AGBL4: variants seen among roughly 807,000 people sequenced by gnomAD.
AGBL4 encodes the protein AGBL carboxypeptidase 4.
A neutral mutation model predicts 66.4 loss-of-function variants in AGBL4; 58 were observed. The observed-to-expected ratio is 0.87, with a 90% CI of 0.71 to 1.09. The LOEUF (loss-of-function observed/expected upper bound fraction) is 1.09. AGBL4 is among the 50% of genes least tolerant of loss of function. The pLI, the probability that AGBL4 is intolerant of heterozygous loss-of-function variation, is 0.00. For synonymous variants in AGBL4, 234 were observed against 222.9 expected, an observed-to-expected ratio of 1.05 and a Z score of -0.44; for missense variants, 579 against 631.0, an observed-to-expected ratio of 0.92 and a Z score of 0.88.
intron 4 of AGBL4, among the ~76,000 whole-genome samples, chr1:49,130,631 C>T (rs540945606): frequency 1.4e-4 from 21 of 151,894 alleles, no homozygotes; most frequent in Non-Finnish European, 2.5e-4. Context: ...TGTAGATATG[C>T]GGCATTATTT....
chr1:49,773,351 T>G (rs1477753021), intron 2 of AGBL4, among the ~76,000 whole-genome samples: 1 of 152,210 alleles, frequency 6.6e-6, no homozygotes, highest in Non-Finnish European at 1.5e-5. Context: ...ATGTCATGTT[T>G]CCTTGCTTTT....
intron 1 of AGBL4, among the ~76,000 whole-genome samples, chr1:50,016,543 C>CA (rs1291999984): frequency 1.3e-5 from 2 of 152,126 alleles, no homozygotes; most frequent in African/African-American, 4.8e-5. Flanking sequence ...TCTTAGGTGA[C>CA]AGAGTGTGAC....
intron 4 of AGBL4, among the ~76,000 whole-genome samples, chr1:49,157,698 C>G (rs558633687): frequency 2.0e-5 from 3 of 152,300 alleles, no homozygotes; most frequent in African/African-American, 7.2e-5. Flanking sequence ...TTCCCACCAA[C>G]AGTGTAAAAG....
At chr1:49,763,176 G>A (rs1326197866) in intron 2 of AGBL4, among the ~76,000 whole-genome samples, 1 of 152,202 alleles carries the variant, frequency 6.6e-6, no homozygotes, top group Non-Finnish European at 1.5e-5. Context: ...TCAAAAATCA[G>A]TTGGTTATAG....
In AGBL4 at chr1:49,325,337, A is replaced by T. The variant is rs979190640; in HGVS notation, c.283-79473T>A. ...CAAACAGGAAAGTACAAAAATCTTT[A>T]GTGGCAGCCCATTACATTTTTGCAT... On this transcript the variant is annotated intron_variant, in intron 3 of 13. Transcript: ENST00000371839. Among the ~76,000 whole-genome samples, 3 of 152,288 alleles carry T rather than the reference A, an allele frequency of 2.0e-5. No homozygotes were observed. The East Asian group carries it at 5.8e-4, about 29-fold the overall frequency.
At chr1:49,431,725 T>C (rs1645790956) in intron 3 of AGBL4, among the ~76,000 whole-genome samples, 1 of 152,164 alleles carries the variant, frequency 6.6e-6, no homozygotes, top group Non-Finnish European at 1.5e-5. Context: ...ATGATTCACT[T>C]CTTTGCATTA....
chr1:49,261,033 T>G (rs964214673), intron 3 of AGBL4, among the ~76,000 whole-genome samples: 1 of 151,916 alleles, frequency 6.6e-6, no homozygotes, highest in Admixed American at 6.6e-5. Flanking sequence ...TAATCCAGCA[T>G]ATAAACAAAA....
At chr1:49,355,472 T>C (rs914879346) in intron 3 of AGBL4, among the ~76,000 whole-genome samples, 2 of 152,160 alleles carry the variant, frequency 1.3e-5, no homozygotes, top group Non-Finnish European at 2.9e-5. Context: ...ATTTCTCACA[T>C]GAACTATTAT....
At chr1:49,748,726 T>A (rs982556937) in intron 2 of AGBL4, among the ~76,000 whole-genome samples, 3 of 152,224 alleles carry the variant, frequency 2.0e-5, no homozygotes, top group Admixed American at 2.0e-4. Context: ...GGTATTTCAT[T>A]GTGGTTTTAA....
chr1:48,903,547 G>A (rs1652296917), intron 5 of AGBL4, among the ~76,000 whole-genome samples: 1 of 152,194 alleles, frequency 6.6e-6, no homozygotes, highest in Non-Finnish European at 1.5e-5. Context: ...TGGACACCAG[G>A]TGATGGCTTC....
intron 5 of AGBL4, among the ~76,000 whole-genome samples, chr1:48,960,873 T>C (rs186025306): frequency 4.6e-5 from 7 of 152,348 alleles, no homozygotes; most frequent in Admixed American, 4.6e-4. Flanking sequence ...AAAATAATAG[T>C]TGTGAAAACA....
At chr1:48,551,443 A>G (rs1293553910) in intron 11 of AGBL4, among the ~76,000 whole-genome samples, 1 of 152,226 alleles carries the variant, frequency 6.6e-6, no homozygotes, top group Admixed American at 6.5e-5. Flanking sequence ...TCATTACTAC[A>G]TATGAAACTG....
intron 5 of AGBL4, among the ~76,000 whole-genome samples, chr1:49,009,868 G>T (rs889809446): frequency 6.6e-6 from 1 of 152,074 alleles, no homozygotes; most frequent in African/African-American, 2.4e-5. Context: ...AGGTATTGAT[G>T]GGACATATCT....
At chr1:49,067,167 T>C (rs373676658) in intron 4 of AGBL4, among the ~76,000 whole-genome samples, 3 of 152,106 alleles carry the variant, frequency 2.0e-5, no homozygotes, top group African/African-American at 4.8e-5. Context: ...GCAGACCCAT[T>C]TGAGTTGGGC....
chr1:49,755,855 T>C (rs1651846351), intron 2 of AGBL4, among the ~76,000 whole-genome samples: 2 of 152,236 alleles, frequency 1.3e-5, no homozygotes, highest in African/African-American at 4.8e-5. Flanking sequence ...GTGATCTTTC[T>C]AAAATGCAAA....
At chr1:49,737,721 C>T (rs1018438753) in intron 2 of AGBL4, among the ~76,000 whole-genome samples, 21 of 152,130 alleles carry the variant, frequency 1.4e-4, no homozygotes, top group African/African-American at 4.1e-4. Flanking sequence ...AATTCCTTAT[C>T]GGAAATCATG....
chr1:48,811,732 C>G (rs1197420289), intron 6 of AGBL4, among the ~76,000 whole-genome samples: 1 of 152,010 alleles, frequency 6.6e-6, no homozygotes, highest in Non-Finnish European at 1.5e-5. Flanking sequence ...AGGTCCAACC[C>G]TCTCTACTAG....
chr1:49,631,354 C>T (rs1023937301), intron 3 of AGBL4, among the ~76,000 whole-genome samples: 5 of 152,174 alleles, frequency 3.3e-5, no homozygotes, highest in Non-Finnish European at 7.4e-5. Flanking sequence ...GGATCTCACA[C>T]TTCTCCCTTA....
At chr1:49,986,601 T>C (rs971706986) in intron 1 of AGBL4, among the ~76,000 whole-genome samples, 1 of 152,206 alleles carries the variant, frequency 6.6e-6, no homozygotes, top group South Asian at 2.1e-4. Context: ...TAAGTGGTTG[T>C]ACCAGTTTAT....
Sources: gnomAD v4.1 joint callset for allele counts (sites outside exome capture counted in the v4.1 genomes callset) on GRCh38, gnomAD v4.1.1 for gene constraint, MANE v1.5 for transcripts, NCBI Gene and HGNC (gene_info 2026-07-23, HGNC 2026-07-21) for gene names.